LRP1B: variants seen among roughly 807,000 people sequenced by gnomAD.
LRP1B encodes the protein LDL receptor related protein 1B.
LRP1B carries 217 observed loss-of-function variants against 556.6 expected under a neutral mutation model. The observed-to-expected ratio is 0.39, with a 90% CI of 0.35 to 0.44. The LOEUF is 0.44. LRP1B is among the 20% of genes least tolerant of loss of function. The pLI is 1.00. For synonymous variants in LRP1B, 2,047 were observed against 1,865.8 expected, an observed-to-expected ratio of 1.10 and a Z score of -2.50; for missense variants, 5,053 against 5,620.8, an observed-to-expected ratio of 0.90 and a Z score of 3.23.
intron 32 of LRP1B, among the ~76,000 whole-genome samples, chr2:140,800,402 TAAAA>T: frequency 1.3e-5 from 2 of 151,906 alleles, no homozygotes; most frequent in Admixed American, 6.6e-5. Context: ...GTATAATAAT[TAAAA>T]AAAAGTTTGC....
intron 27 of LRP1B, among the ~76,000 whole-genome samples, chr2:140,859,110 G>A (rs754201733): frequency 1.1e-4 from 16 of 152,048 alleles, no homozygotes; most frequent in East Asian, 7.7e-4. Context: ...GTCAGCCATC[G>A]GGACTGGCCT....
intron 1 of LRP1B, among the ~76,000 whole-genome samples, chr2:141,904,711 AGGTAATTGAAAATTATGAAATATTTT>A (rs1168552338): frequency 3.3e-5 from 5 of 151,970 alleles, no homozygotes; most frequent in Admixed American, 1.3e-4. Flanking sequence ...AAACAAGCTC[AGGTAATTGAAAATTATGAAATATTTT>A]GGTCAAGGCA....
intron 2 of LRP1B, among the ~76,000 whole-genome samples, chr2:141,654,796 T>C (rs1689940332): frequency 6.6e-6 from 1 of 152,138 alleles, no homozygotes; most frequent in African/African-American, 2.4e-5. Flanking sequence ...CTTTTAAGAA[T>C]AGAAGTACTA....
At position 142,130,673 on chromosome 2, in the gene LRP1B, C is replaced by T. The variant is rs764858219; in HGVS notation, c.57G>A (p.Arg19=). Residue 19 remains arginine (R), a synonymous_variant, in exon 1 of 91, where the codon AGG becomes AGA. Transcript: ENST00000389484. ...CTCGGTCGGCTCCCACGGTCAGCAC[C>T]CTGGCAATCGGCAATAATCCCGAGA... ...LTLSGLLPIA[R]VLTVGADRDQ... The T allele has an allele frequency of 5.0e-6, 8 of 1,613,454 alleles. No individual in the cohort carries two copies. In the South Asian group the frequency reaches 6.6e-5, roughly 13 times the overall value.
At chr2:141,309,191 T>C (rs1243688017) in intron 3 of LRP1B, among the ~76,000 whole-genome samples, 2 of 152,236 alleles carry the variant, frequency 1.3e-5, no homozygotes, top group Non-Finnish European at 2.9e-5. Flanking sequence ...ATAGATCAGA[T>C]TGAAAATTTG....
At chr2:141,053,893 A>G (rs1316606868) in intron 10 of LRP1B, among the ~76,000 whole-genome samples, 2 of 151,744 alleles carry the variant, frequency 1.3e-5, no homozygotes, top group African/African-American at 2.4e-5. Flanking sequence ...TAAATCACAC[A>G]CTACATAGAC....
chr2:140,794,012 C>G (rs1690212471), intron 32 of LRP1B, among the ~76,000 whole-genome samples: 1 of 151,992 alleles, frequency 6.6e-6, no homozygotes, highest in South Asian at 2.1e-4. Context: ...AACCCTTATG[C>G]TTATACCTGG....
intron 66 of LRP1B, among the ~76,000 whole-genome samples, chr2:140,398,198 T>C (rs1264614544): frequency 2.0e-5 from 3 of 151,938 alleles, no homozygotes; most frequent in Non-Finnish European, 4.4e-5. Context: ...AGGTGGAAAG[T>C]GAAGATAGAG....
intron 1 of LRP1B, among the ~76,000 whole-genome samples, chr2:141,877,904 C>T (rs541910938): frequency 2.6e-5 from 4 of 151,894 alleles, no homozygotes; most frequent in Non-Finnish European, 5.9e-5. Flanking sequence ...AAGCTGAATT[C>T]GTGCACCTGG....
chr2:140,691,773 A>C (rs2105400466), intron 41 of LRP1B, among the ~76,000 whole-genome samples: 1 of 152,266 alleles, frequency 6.6e-6, no homozygotes, highest in African/African-American at 2.4e-5. Flanking sequence ...TGACCAATTA[A>C]TTTACTAATG....
At chr2:140,815,012 G>A (rs924646886) in intron 31 of LRP1B, among the ~76,000 whole-genome samples, 1 of 152,046 alleles carries the variant, frequency 6.6e-6, no homozygotes, top group African/African-American at 2.4e-5. Flanking sequence ...GAACCATGTT[G>A]ACCTTCTGTG....
chr2:141,964,705 A>T (rs1238185007), intron 1 of LRP1B, among the ~76,000 whole-genome samples: 7 of 150,916 alleles, frequency 4.6e-5, no homozygotes, highest in Non-Finnish European at 7.4e-5. Context: ...CATGTCCAAA[A>T]CACCAAAAGC....
chr2:141,652,121 C>T lies in LRP1B; in HGVS notation c.205+158158G>A, dbSNP rs545288759. Among the ~76,000 whole-genome samples, 4 of 152,276 alleles carry T rather than the reference C, an allele frequency of 2.6e-5. No individual in the cohort carries two copies. In the South Asian group the frequency reaches 8.3e-4, roughly 32 times the overall value. ...TACAGGTCCCAAGGAGACATCTCTC[C>T]TCCTATTCAATTTAAGCTCTATTTA... On this transcript the variant is annotated intron_variant, in intron 2 of 90. Transcript: ENST00000389484.
intron 2 of LRP1B, among the ~76,000 whole-genome samples, chr2:141,695,738 T>C (rs543425956): frequency 6.6e-6 from 1 of 152,066 alleles, no homozygotes; most frequent in East Asian, 1.9e-4. Flanking sequence ...AAAAACCAGA[T>C]GAGGTCCTAA....
At chr2:140,925,521 T>C (rs921217783) in intron 20 of LRP1B, among the ~76,000 whole-genome samples, 3 of 152,148 alleles carry the variant, frequency 2.0e-5, no homozygotes, top group Admixed American at 2.0e-4. Context: ...CTGACTTTTA[T>C]AGCCTGTAGT....
chr2:141,778,420 A>G (rs1377882984), intron 2 of LRP1B, among the ~76,000 whole-genome samples: 1 of 152,022 alleles, frequency 6.6e-6, no homozygotes, highest in East Asian at 1.9e-4. Flanking sequence ...TTTATGGTAG[A>G]CTCTCCTCCT....
intron 3 of LRP1B, among the ~76,000 whole-genome samples, chr2:141,351,023 A>T (rs1573843650): frequency 6.6e-6 from 1 of 152,204 alleles, no homozygotes; most frequent in African/African-American, 2.4e-5. Context: ...CACTTTGGCA[A>T]TAATCTAATC....
chr2:141,749,138 A>C (rs768391616), intron 2 of LRP1B, among the ~76,000 whole-genome samples: 116 of 152,346 alleles, frequency 7.6e-4, no homozygotes, highest in Middle Eastern at 6.8e-3. Flanking sequence ...CAAATATTCC[A>C]GAGAAAGAAT....
intron 7 of LRP1B, among the ~76,000 whole-genome samples, chr2:141,076,698 T>C (rs902998814): frequency 6.6e-6 from 1 of 152,206 alleles, no homozygotes; most frequent in Non-Finnish European, 1.5e-5. Flanking sequence ...CAGCCCTCTC[T>C]TCCCTGGCTG....
Sources: gnomAD v4.1 joint callset for allele counts (sites outside exome capture counted in the v4.1 genomes callset) on GRCh38, gnomAD v4.1.1 for gene constraint, MANE v1.5 for transcripts, NCBI Gene and HGNC (gene_info 2026-07-23, HGNC 2026-07-21) for gene names.